The following RNF17 variants were observed in gnomAD, a reference collection of about 807,000 sequenced individuals.
RNF17 encodes the protein spermatogenesis associated 23.
A neutral mutation model predicts 200.5 loss-of-function variants in RNF17; 31 were observed. The ratio of observed to expected loss-of-function variants is 0.15; its 90% confidence interval spans 0.12 to 0.21. RNF17 has a LOEUF of 0.21. Ranked by LOEUF, RNF17 falls within the 10% of genes least tolerant of loss-of-function variation. The pLI, the probability that RNF17 is intolerant of heterozygous loss-of-function variation, is 1.00. For missense variants in RNF17, 1,628 were observed against 1,905.1 expected (o/e 0.85, Z 2.71); for synonymous variants, 606 against 637.8 (o/e 0.95, Z 0.75).
At chr13:24,821,481 T>C (rs1888045669) in intron 15 of RNF17, among the ~76,000 whole-genome samples, 1 of 152,224 alleles carries the variant, frequency 6.6e-6, no homozygotes, top group African/African-American at 2.4e-5. Context: ...ACTTTCATAA[T>C]GTCTCTGTTG....
intron 18 of RNF17, among the ~76,000 whole-genome samples, chr13:24,838,567 A>G (rs1252230457): frequency 6.6e-6 from 1 of 151,530 alleles, no homozygotes; most frequent in Non-Finnish European, 1.5e-5. Context: ...TAAACAGAAT[A>G]AAAAATCACA....
At chr13:24,854,271 A>T (rs1892240829) in intron 25 of RNF17, 127 bp downstream of exon 25, 1 of 663,940 alleles carries the variant, frequency 1.5e-6, no homozygotes, top group Non-Finnish European at 2.5e-6. Flanking sequence ...ATTTCACACA[A>T]TGCATGCAAA....
chr13:24,852,136 C>T (rs1283520383), intron 24 of RNF17, among the ~76,000 whole-genome samples: 1 of 123,388 alleles, frequency 8.1e-6, no homozygotes, highest in East Asian at 2.3e-4. Flanking sequence ...CTCTCTCTCT[C>T]TTTTTTTTTT....
At chr13:24,888,373 C>T in the RNF17 span, among the ~76,000 whole-genome samples, 1 of 152,102 alleles carries the variant, frequency 6.6e-6, no homozygotes, top group Non-Finnish European at 1.5e-5. Flanking sequence ...CACACACACA[C>T]ACATCCAAAA....
At chr13:24,766,268 A>G (rs962492568) in intron 1 of RNF17, among the ~76,000 whole-genome samples, 5 of 152,268 alleles carry the variant, frequency 3.3e-5, no homozygotes, top group Admixed American at 6.5e-5. Context: ...CAAGAACTCT[A>G]TAATTATTTT....
chr13:24,823,781 C>A (rs1478134136), intron 15 of RNF17, among the ~76,000 whole-genome samples: 1 of 152,204 alleles, frequency 6.6e-6, no homozygotes, highest in Admixed American at 6.5e-5. Context: ...ACCCCAGATT[C>A]TCCTCCTGGC....
chr13:24,763,920 G>A (rs17081121), upstream of RNF17, among the ~76,000 whole-genome samples: 4 of 152,116 alleles, frequency 2.6e-5, no homozygotes, highest in Admixed American at 1.3e-4. Flanking sequence ...AATAATATGC[G>A]AAATTTTAAT....
intron 25 of RNF17, among the ~76,000 whole-genome samples, chr13:24,855,081 A>G (rs1167530121): frequency 6.6e-6 from 1 of 152,184 alleles, no homozygotes; most frequent in Non-Finnish European, 1.5e-5. Flanking sequence ...ACCATAATGT[A>G]CATATTCTTT....
At chr13:24,830,385 G>A (rs1370923132) in intron 16 of RNF17, 99 bp from the exon 17 acceptor site, 8 of 678,720 alleles carry the variant, frequency 1.2e-5, no homozygotes, top group Non-Finnish European at 2.1e-5. Flanking sequence ...GTATATTGAA[G>A]CTAAAAGTAT....
chr13:24,815,219 A>C (rs1887235368), intron 15 of RNF17, among the ~76,000 whole-genome samples: 1 of 152,154 alleles, frequency 6.6e-6, no homozygotes, highest in African/African-American at 2.4e-5. Context: ...AATATCTTTC[A>C]ACAGTTTTGT....
At chr13:24,844,457 T>C (rs1404630528) in intron 20 of RNF17, among the ~76,000 whole-genome samples, 195 bp from the exon 21 acceptor site, 1 of 152,102 alleles carries the variant, frequency 6.6e-6, no homozygotes, top group Non-Finnish European at 1.5e-5. Context: ...TATAAGTGTC[T>C]GAGGGAAGTT....
intron 25 of RNF17, among the ~76,000 whole-genome samples, chr13:24,857,988 A>T (rs564817113): frequency 6.6e-4 from 101 of 152,314 alleles, no homozygotes; most frequent in African/African-American, 2.3e-3. Context: ...GGAACTTTTG[A>T]GAATATTCAG....
intron 9 of RNF17, 97 bp downstream of exon 9, chr13:24,789,869 C>T (rs1883629046): frequency 2.6e-6 from 2 of 769,128 alleles, no homozygotes; most frequent in East Asian, 4.9e-5. Context: ...AATTCAAAAG[C>T]TGAAAAATAA....
intron 15 of RNF17, among the ~76,000 whole-genome samples, chr13:24,812,275 T>C (rs1886750744): frequency 6.6e-6 from 1 of 151,758 alleles, no homozygotes; most frequent in Non-Finnish European, 1.5e-5. Flanking sequence ...CTCAGACTGC[T>C]GTGCTAGCAG....
intron 7 of RNF17, 65 bp from the exon 8 acceptor site, chr13:24,789,283 A>G (rs1883534224): frequency 9.2e-7 from 1 of 1,084,896 alleles, no homozygotes; most frequent in Non-Finnish European, 1.4e-6. Context: ...TCTTTCTAAA[A>G]TCTTACTGTT....
At chr13:24,876,566 T>C (rs1894879327) in intron 33 of RNF17, among the ~76,000 whole-genome samples, 1 of 152,270 alleles carries the variant, frequency 6.6e-6, no homozygotes, top group Non-Finnish European at 1.5e-5. Flanking sequence ...TTCCAATTCC[T>C]GCATATCCTC....
At chr13:24,749,352 T>C in the RNF17 span, among the ~76,000 whole-genome samples, 1 of 140,634 alleles carries the variant, frequency 7.1e-6, no homozygotes, top group Non-Finnish European at 1.5e-5. Context: ...TTGTCCAGGC[T>C]GGAGTGCTGT....
Position 24,871,633 on chromosome 13 carries a change from C to CTTTTT in RNF17, c.4447+907_4447+911dup, listed in dbSNP as rs143831233. The stretch of plus-strand genomic sequence containing the variant: ...ATAGGCATGAGCCAACTTGCCCAGC[C>CTTTTT]TTTTTTTTTTTTTTTTTGGAGATGA... On this transcript the variant is annotated intron_variant, in intron 32 of 35. Coordinates refer to ENST00000255324, the MANE Select transcript of RNF17 (RefSeq NM_031277.3). Among the ~76,000 whole-genome samples, 95 of 128,520 alleles carry CTTTTT rather than the reference C, an allele frequency of 7.4e-4. 1 individual carries two copies. In the East Asian group the frequency reaches 0.02, roughly 27 times the overall value. 84.3% of individuals were successfully genotyped at this position (128,520 alleles called of 152,430 possible).
At chr13:24,887,043 G>T in the RNF17 span, among the ~76,000 whole-genome samples, 2 of 152,162 alleles carry the variant, frequency 1.3e-5, no homozygotes, top group East Asian at 3.9e-4. Context: ...GAAAACTGGG[G>T]ACAGTGGAAG....
Sources: gnomAD v4.1 joint callset for allele counts (sites outside exome capture counted in the v4.1 genomes callset) on GRCh38, gnomAD v4.1.1 for gene constraint, MANE v1.5 for transcripts, NCBI Gene and HGNC (gene_info 2026-07-23, HGNC 2026-07-21) for gene names.